Variants in ZNF184 observed in about 807,000 individuals in gnomAD.
ZNF184 encodes zinc finger protein 184 (Kruppel-like).
Under a neutral mutation model 54.4 loss-of-function variants are expected in ZNF184, and 16 were observed. The observed-to-expected ratio is 0.29, with a 90% CI of 0.20 to 0.45. The LOEUF is 0.45. Among genes scored for constraint, ZNF184 ranks in the 20% least tolerant of loss-of-function variants. ZNF184 has a pLI of 1.00. For synonymous variants in ZNF184, 254 were observed against 295.3 expected (o/e 0.86, Z 1.43); for missense variants, 681 against 888.2 (o/e 0.77, Z 2.97).
rs770903945 is a variant in ZNF184, at chr6:27,451,801, G to A, written c.1758C>T (p.Tyr586=). 1.5e-5 allele frequency: 24 copies of A among 1,613,744 alleles called. No individual in the cohort carries two copies. The Admixed American group carries it at 3.7e-4, about 25-fold the overall frequency. Reference sequence around the variant, plus strand: ...ATGCTCTCCCACACTCATTACACTTGTAAGGTCGTTCTCCAGTATGGATCT... The same window carrying A: ...ATGCTCTCCCACACTCATTACACTTATAAGGTCGTTCTCCAGTATGGATCT... ...HRKIHTGERP[Y]KCNECGRAFN... The change falls in exon 6 of 6, where the codon TAC becomes TAT. Residue 586 remains tyrosine, a synonymous_variant. Coordinates refer to ENST00000683788, the MANE Select transcript of ZNF184 (RefSeq NM_001318891.2).
chr6:27,454,601 A>G (rs1255851699), intron 5 of ZNF184, among the ~76,000 whole-genome samples: 2 of 95,056 alleles, frequency 2.1e-5, no homozygotes, highest in African/African-American at 6.8e-5. Context: ...AGAACAGTGC[A>G]TGGAAGTGGC....
At position 27,451,925 on chromosome 6, in the gene ZNF184, A is replaced by G; in HGVS notation, c.1634T>C (p.Leu545Pro). Residue 545 changes from leucine to proline, a missense_variant, in exon 6 of 6, where the codon CTT becomes CCT. By Grantham distance (98) the Leu-to-Pro change is moderately conservative. Coordinates refer to ENST00000683788, the MANE Select transcript of ZNF184 (RefSeq NM_001318891.2). ...CGKAFIRSSS[L>P]AKHERIHTGE... Reference sequence around the variant, plus strand: ...AGTATGAATTCTTTCATGCTTAGCAAGAGATGAACTCCGAATAAAAGCTTT... The same window carrying G: ...AGTATGAATTCTTTCATGCTTAGCAGGAGATGAACTCCGAATAAAAGCTTT... 6.2e-7 allele frequency: 1 copy of G among 1,612,804 alleles called. No individual in the cohort carries two copies.
the ZNF184 span, among the ~76,000 whole-genome samples, chr6:27,421,065 G>A: frequency 2.6e-5 from 4 of 152,190 alleles, no homozygotes; most frequent in African/African-American, 9.6e-5. Flanking sequence ...AAAAAGATCA[G>A]TGGTTACTAG....
the ZNF184 span, chr6:27,407,712 A>C: frequency 1.4e-6 from 1 of 729,356 alleles, no homozygotes. Context: ...AAACACATCC[A>C]TGTACCTTAC....
chr6:27,421,263 T>A, the ZNF184 span, among the ~76,000 whole-genome samples: 1 of 152,328 alleles, frequency 6.6e-6, no homozygotes, highest in South Asian at 2.1e-4. Context: ...TCAATATAAG[T>A]TCATGAATTG....
At chr6:27,405,602 T>G in the ZNF184 span, 1 of 152,264 alleles carries the variant, frequency 6.6e-6, no homozygotes, top group Non-Finnish European at 1.5e-5. Context: ...AAGGGACTTA[T>G]ACTTAGCGTA....
the ZNF184 span, among the ~76,000 whole-genome samples, chr6:27,442,214 C>T: frequency 1.3e-5 from 2 of 152,192 alleles, no homozygotes; most frequent in East Asian, 1.9e-4. Flanking sequence ...GGACTTGGGC[C>T]GTGATTACTT....
At chr6:27,463,917 TA>T (rs756944153) in intron 3 of ZNF184, among the ~76,000 whole-genome samples, 35 of 80,610 alleles carry the variant, frequency 4.3e-4, no homozygotes, top group South Asian at 1.4e-3. Flanking sequence ...TCGACCAGAT[TA>T]AAAAAAAAAA....
the ZNF184 span, among the ~76,000 whole-genome samples, chr6:27,438,164 G>A: frequency 1.3e-5 from 2 of 152,068 alleles, no homozygotes; most frequent in Non-Finnish European, 2.9e-5. Flanking sequence ...GGAGTAAAAT[G>A]GCTTGCTGTT....
chr6:27,405,248 C>T, the ZNF184 span: 1 of 152,198 alleles, frequency 6.6e-6, no homozygotes, highest in African/African-American at 2.4e-5. Context: ...CAGAAGAAGG[C>T]ATTGTTATCA....
At chr6:27,457,063 AC>A in intron 4 of ZNF184, 142 bp from the exon 5 acceptor site, 1 of 941,986 alleles carries the variant, frequency 1.1e-6, no homozygotes, top group Non-Finnish European at 1.6e-6. Context: ...CTTTAGTGTT[AC>A]CAGTTCCCAG....
chr6:27,428,362 A>G, the ZNF184 span, among the ~76,000 whole-genome samples: 1 of 152,210 alleles, frequency 6.6e-6, no homozygotes, highest in Non-Finnish European at 1.5e-5. The surrounding 1 kb of genome is among the most constrained non-coding windows in gnomAD (Gnocchi z 4.1). Flanking sequence ...TAGGATTCCC[A>G]TGTAAAAAAT....
At chr6:27,432,352 A>G in the ZNF184 span, among the ~76,000 whole-genome samples, 1 of 152,254 alleles carries the variant, frequency 6.6e-6, no homozygotes, top group Non-Finnish European at 1.5e-5. This position sits in a 1 kb window ranked among gnomAD's most constrained non-coding sequence, Gnocchi z 4.0. Context: ...TTGAATATCC[A>G]CATCCTGTTT....
chr6:27,439,178 G>A, the ZNF184 span, among the ~76,000 whole-genome samples: 12 of 152,078 alleles, frequency 7.9e-5, no homozygotes, highest in African/African-American at 1.4e-4. Flanking sequence ...GAGAAGCAAC[G>A]CCCTAGAATG....
chr6:27,427,136 A>AAAAG, the ZNF184 span, among the ~76,000 whole-genome samples: 2 of 150,986 alleles, frequency 1.3e-5, no homozygotes, highest in African/African-American at 4.9e-5. Context: ...AAAAAAAAAA[A>AAAAG]CAATTAAAAC....
chr6:27,447,922 G>A (rs144461511), downstream of ZNF184, among the ~76,000 whole-genome samples: 309 of 152,102 alleles, frequency 2.0e-3, 1 homozygote, highest in African/African-American at 7.1e-3. Flanking sequence ...ATATCTAATT[G>A]TTGGAATTAA....
intron 2 of ZNF184, among the ~76,000 whole-genome samples, chr6:27,468,251 G>A (rs1438938520): frequency 1.3e-5 from 2 of 152,062 alleles, no homozygotes; most frequent in Non-Finnish European, 2.9e-5. Context: ...GAAGTAATCC[G>A]ATTACTTTCC....
In ZNF184 at chr6:27,453,285, G is replaced by GT; in HGVS notation, c.299-26dup. On this transcript the variant is annotated intron_variant, in intron 5 of 5. Transcript: ENST00000683788. This position sits in a 1 kb window ranked among gnomAD's most constrained non-coding sequence, Gnocchi z 4.7. ...TCTAAAAGAAAAAGAAAATTCCAGT[G>GT]TTCTCTGAATAGAGAAAAAATAAAC... The GT allele has an allele frequency of 6.4e-7, 1 of 1,551,186 alleles. No homozygotes were observed. The highest frequency in any genetic ancestry group is 1.3e-5 in the South Asian group (1 of 79,362).
the ZNF184 span, among the ~76,000 whole-genome samples, chr6:27,428,008 A>T: frequency 6.6e-6 from 1 of 152,322 alleles, no homozygotes; most frequent in East Asian, 1.9e-4. The surrounding 1 kb of genome is among the most constrained non-coding windows in gnomAD (Gnocchi z 4.1). Flanking sequence ...CAAGTCCCAT[A>T]GATTCTATCT....
Sources: allele counts gnomAD v4.1 joint callset (sites outside exome capture counted in the v4.1 genomes callset), GRCh38; gene constraint gnomAD v4.1.1; non-coding constraint Gnocchi (gnomAD v3.1); transcripts MANE v1.5; gene names NCBI Gene and HGNC (gene_info 2026-07-23, HGNC 2026-07-21).